The following CPLX4 variants were observed in gnomAD, a reference collection of about 807,000 sequenced individuals.
CPLX4 encodes the protein complexin 4, also known as complexin-4.
In CPLX4, 17 loss-of-function variants were observed where a neutral mutation model predicts 16.1. The observed-to-expected ratio is 1.06, with a 90% confidence interval of 0.72 to 1.59. CPLX4 has a LOEUF of 1.59. Ranked by LOEUF, CPLX4 falls within the 40% of genes most tolerant of loss-of-function variation. The pLI is 0.00. For missense variants in CPLX4, 193 were observed against 192.9 expected (o/e 1.00, Z 0.00); for synonymous variants, 55 against 57.8 (o/e 0.95, Z 0.22).
intron 2 of CPLX4, among the ~76,000 whole-genome samples, chr18:59,302,092 C>T (rs2070545638): frequency 6.6e-6 from 1 of 152,152 alleles, no homozygotes; most frequent in Non-Finnish European, 1.5e-5. Context: ...ATCCGGGACA[C>T]AGCAAGCAAT....
At chr18:59,305,044 A>G (rs1215307292) in intron 2 of CPLX4, among the ~76,000 whole-genome samples, 1 of 152,050 alleles carries the variant, frequency 6.6e-6, no homozygotes, top group Non-Finnish European at 1.5e-5. Context: ...TAAAAGGAGC[A>G]CACAGTAGGT....
intron 1 of CPLX4, among the ~76,000 whole-genome samples, chr18:59,315,781 T>C (rs1271032429): frequency 6.6e-6 from 1 of 152,230 alleles, no homozygotes; most frequent in African/African-American, 2.4e-5. Context: ...GAAAAGACTT[T>C]CCGTTCCTGG....
chr18:59,297,021 A>G (rs2070506635), intron 2 of CPLX4, 96 bp from the exon 3 acceptor site: 2 of 1,493,572 alleles, frequency 1.3e-6, no homozygotes, highest in African/African-American at 2.8e-5. Context: ...GTCTTTAGAG[A>G]ATACAGGAAG....
chr18:59,302,368 G>A (rs546726590), intron 2 of CPLX4, among the ~76,000 whole-genome samples: 1 of 152,310 alleles, frequency 6.6e-6, no homozygotes, highest in South Asian at 2.1e-4. Flanking sequence ...ATCACTACAG[G>A]CCGGAAGCAG....
At chr18:59,310,041 G>C (rs2144188637) in intron 2 of CPLX4, among the ~76,000 whole-genome samples, 1 of 151,988 alleles carries the variant, frequency 6.6e-6, no homozygotes, top group East Asian at 1.9e-4. Context: ...ATGACGCAGT[G>C]GTATGAGATT....
intron 1 of CPLX4, among the ~76,000 whole-genome samples, chr18:59,313,437 A>G (rs1366656184): frequency 6.6e-6 from 1 of 152,160 alleles, no homozygotes; most frequent in Non-Finnish European, 1.5e-5. Flanking sequence ...GATCTAATTG[A>G]ACTCATGATG....
chr18:59,298,269 A>ACTT (rs2070516782), intron 2 of CPLX4, among the ~76,000 whole-genome samples: 1 of 151,802 alleles, frequency 6.6e-6, no homozygotes, highest in Non-Finnish European at 1.5e-5. Context: ...TTCTTTTACC[A>ACTT]CTTAGGCTAT....
chr18:59,296,287 T>A lies in CPLX4; in HGVS notation c.*411A>T. On this transcript the variant is annotated 3_prime_UTR_variant, in exon 3 of 3. Transcript: ENST00000299721. ...GAAACCCGGCTCCCAGTAGACACCTTGACTCTCCACATTTCTCTCTGAAGG... is the reference window on the plus strand; with the variant it reads ...GAAACCCGGCTCCCAGTAGACACCTAGACTCTCCACATTTCTCTCTGAAGG... 1 of 233,406 alleles carries A rather than the reference T, an allele frequency of 4.3e-6. No individual in the cohort carries two copies. Among genetic ancestry groups the A allele is most frequent in the Non-Finnish European group, 8.2e-6 (1 of 121,508 alleles). 14.5% of individuals were successfully genotyped at this position (233,406 alleles called of 1,614,324 possible).
rs376337443 is a variant in CPLX4, at chr18:59,296,838, C to G, written c.343G>C (p.Glu115Gln). The stretch of plus-strand genomic sequence containing the variant: ...ATAGAATCTTTATCTTCTTCCTCTT[C>G]TTGATCTTCATCTACCATTTTCCGG... ...DLRKMVDEDQ[E>Q]EEEDKDSILG... Residue 115 changes from glutamate (E) to glutamine (Q), a missense_variant, in exon 3 of 3, where the codon GAA (glutamate) becomes CAA (glutamine). By Grantham distance (29) the Glu-to-Gln change is conservative. Transcript: ENST00000299721. 8.2e-5 allele frequency: 133 copies of G among 1,613,892 alleles called. 2 individuals are homozygous for G. The East Asian group carries it at 2.1e-3, about 26-fold the overall frequency.
At position 59,318,507 on chromosome 18, in the gene CPLX4, GA is replaced by G. The variant is rs369143524; in HGVS notation, c.-46del. The G allele has an allele frequency of 3.1e-3, 4,521 of 1,476,410 alleles. 95 individuals are homozygous for G. The African/African-American group carries it at 0.051, about 17-fold the overall frequency. The allele number at this position is 1,476,410 out of a possible 1,614,324, so 91.5% of individuals were successfully genotyped here. ...TAAAACCAAAATTCAGACAAAAGCT[GA>G]AAAAAAAAATCCAAACAAACCCAAG... On this transcript the variant is annotated 5_prime_UTR_variant, in exon 1 of 3. Transcript: ENST00000299721.
At chr18:59,317,906 C>T (rs2070661740) in intron 1 of CPLX4, among the ~76,000 whole-genome samples, 1 of 150,464 alleles carries the variant, frequency 6.6e-6, no homozygotes, top group African/African-American at 2.5e-5. Context: ...GGTCTGAATT[C>T]TTACAATTTG....
At chr18:59,314,581 C>G (rs2070640211) in intron 1 of CPLX4, among the ~76,000 whole-genome samples, 1 of 152,188 alleles carries the variant, frequency 6.6e-6, no homozygotes, top group African/African-American at 2.4e-5. Context: ...AAAAAGCACA[C>G]ACCTGTGTAA....
intron 2 of CPLX4, 68 bp downstream of exon 2, chr18:59,312,617 G>A (rs554937122): frequency 1.4e-6 from 1 of 706,078 alleles, no homozygotes; most frequent in African/African-American, 1.8e-5. Flanking sequence ...ATCCTTTGTG[G>A]ATAATCAACC....
chr18:59,307,623 C>T (rs1231885399), intron 2 of CPLX4, among the ~76,000 whole-genome samples: 2 of 152,192 alleles, frequency 1.3e-5, no homozygotes, highest in Non-Finnish European at 2.9e-5. Context: ...AGCACCATGC[C>T]TTGGGCTTGT....
intron 1 of CPLX4, among the ~76,000 whole-genome samples, chr18:59,316,167 G>A (rs916395626): frequency 2.6e-5 from 4 of 152,114 alleles, no homozygotes; most frequent in African/African-American, 9.7e-5. Context: ...AGAAAATGGC[G>A]GGAGAAACAG....
At chr18:59,315,130 C>G (rs2070643630) in intron 1 of CPLX4, among the ~76,000 whole-genome samples, 1 of 152,180 alleles carries the variant, frequency 6.6e-6, no homozygotes, top group African/African-American at 2.4e-5. Context: ...CTAGTTTATG[C>G]TTCAACAATT....
In CPLX4 at chr18:59,314,245, C is replaced by G. The variant is rs1056398781; in HGVS notation, c.168-1473G>C. 2.0e-5 allele frequency among the ~76,000 whole-genome samples: 3 copies of G among 152,116 alleles called. No homozygotes were observed. The East Asian group carries it at 5.8e-4, about 29-fold the overall frequency. On this transcript the variant is annotated intron_variant, in intron 1 of 2. Coordinates refer to ENST00000299721, the MANE Select transcript of CPLX4 (RefSeq NM_181654.4). ...CCTGCGGCATGGACAAGCAGCAGAC[C>G]TTTTCTCCCCATGTTTTACTGTAAA...
intron 2 of CPLX4, among the ~76,000 whole-genome samples, chr18:59,308,541 C>CTTTTTTT (rs372511937): frequency 8.4e-6 from 1 of 119,402 alleles, no homozygotes; most frequent in African/African-American, 3.2e-5. Context: ...CCTATCAAGA[C>CTTTTTTT]TTTTTTTTTT....
At chr18:59,312,821 A>T in intron 1 of CPLX4, 49 bp from the exon 2 acceptor site, 1 of 874,046 alleles carries the variant, frequency 1.1e-6, no homozygotes, top group Non-Finnish European at 1.9e-6. Flanking sequence ...AGCTAAGGAC[A>T]TTCCTGCCCG....
Sources: gnomAD v4.1 joint callset for allele counts (sites outside exome capture counted in the v4.1 genomes callset) on GRCh38, gnomAD v4.1.1 for gene constraint, MANE v1.5 for transcripts, NCBI Gene and HGNC (gene_info 2026-07-23, HGNC 2026-07-21) for gene names.